Variants in SRRM3 observed in about 807,000 individuals in gnomAD.
SRRM3 encodes the protein serine/arginine repetitive matrix 3.
Under a neutral mutation model 66.2 loss-of-function variants are expected in SRRM3, and 27 were observed. The ratio of observed to expected loss-of-function variants is 0.41; its 90% CI spans 0.30 to 0.56. The LOEUF is 0.56. SRRM3 is among the 20% of genes least tolerant of loss of function. The pLI is 0.32. For missense variants in SRRM3, 918 were observed against 991.9 expected (o/e 0.93, Z 1.00); for synonymous variants, 391 against 414.9 (o/e 0.94, Z 0.70).
intron 11 of SRRM3, among the ~76,000 whole-genome samples, chr7:76,275,469 A>G (rs955451166): frequency 1.3e-5 from 2 of 150,662 alleles, no homozygotes; most frequent in Non-Finnish European, 3.0e-5. Flanking sequence ...AGCCTGGGCA[A>G]CAGAGCGAGA....
chr7:76,226,997 G>C (rs1203708629), intron 1 of SRRM3, among the ~76,000 whole-genome samples: 1 of 152,200 alleles, frequency 6.6e-6, no homozygotes, highest in Non-Finnish European at 1.5e-5. Context: ...TGCAGAGAGG[G>C]GAAGGGACTT....
chr7:76,264,780 G>A lies in SRRM3; in HGVS notation c.690G>A (p.Lys230=). 2 of 1,613,752 alleles carry A rather than the reference G, an allele frequency of 1.2e-6. No homozygotes were observed. Among genetic ancestry groups the A allele is most frequent in the Non-Finnish European group, 1.7e-6 (2 of 1,179,868 alleles). The stretch of plus-strand genomic sequence containing the variant: ...CTCTCTGCAGATCTCGAAGCTCCAA[G>A]TGCAAAAGAAAAGAGAAGAACAAAG... The part of the protein sequence containing the change: ...RKRRHRSRSS[K]CKRKEKNKEK... The change falls in exon 9 of 15, where the codon AAG becomes AAA. Residue 230 remains lysine (K), a synonymous_variant. Transcript: ENST00000611745.
At chr7:76,220,348 TC>T (rs1554603041) in intron 1 of SRRM3, among the ~76,000 whole-genome samples, 2 of 152,114 alleles carry the variant, frequency 1.3e-5, no homozygotes, top group Non-Finnish European at 2.9e-5. Context: ...GCTTGAGCAG[TC>T]TTGCAGGAAG....
intron 1 of SRRM3, among the ~76,000 whole-genome samples, chr7:76,221,721 T>G (rs1800727192): frequency 6.6e-6 from 1 of 152,160 alleles, no homozygotes; most frequent in Non-Finnish European, 1.5e-5. Flanking sequence ...TTTGTATCTG[T>G]GAAAAGTACC....
chr7:76,247,224 A>AG (rs1487791163), intron 2 of SRRM3, among the ~76,000 whole-genome samples: 41 of 151,924 alleles, frequency 2.7e-4, no homozygotes, highest in African/African-American at 9.9e-4. Context: ...GACTGGGCTT[A>AG]GGGTGGGAGA....
intron 11 of SRRM3, among the ~76,000 whole-genome samples, chr7:76,279,757 G>A (rs1437159216): frequency 6.6e-6 from 1 of 152,094 alleles, no homozygotes; most frequent in Non-Finnish European, 1.5e-5. Flanking sequence ...CCCAACCAGG[G>A]CCCTTTTGAT....
chr7:76,218,674 C>CTTTTTTTTTTTTTTTTTTTTTTTTT (rs11349335), intron 1 of SRRM3, among the ~76,000 whole-genome samples: 3 of 76,280 alleles, frequency 3.9e-5, no homozygotes, highest in Non-Finnish European at 6.8e-5. Context: ...GCTTTCTTTT[C>CTTTTTTTTTTTTTTTTTTTTTTTTT]TTTTTTTTTT....
chr7:76,208,563 G>C (rs962613898), intron 1 of SRRM3, among the ~76,000 whole-genome samples: 1 of 151,920 alleles, frequency 6.6e-6, no homozygotes, highest in Non-Finnish European at 1.5e-5. Flanking sequence ...AGCCAGGCAC[G>C]GTGGCTCACG....
At chr7:76,219,571 A>G (rs1473446395) in intron 1 of SRRM3, among the ~76,000 whole-genome samples, 1 of 152,206 alleles carries the variant, frequency 6.6e-6, no homozygotes, top group African/African-American at 2.4e-5. Context: ...CAGAGCCAAC[A>G]AAGACAGGAG....
At chr7:76,260,731 C>A in intron 5 of SRRM3, 143 bp from the exon 6 acceptor site, 1 of 761,422 alleles carries the variant, frequency 1.3e-6, no homozygotes, top group Non-Finnish European at 2.2e-6. Context: ...GTGCGAGTGG[C>A]CCTGGGGAGG....
At chr7:76,276,995 A>C (rs1554611227) in intron 11 of SRRM3, among the ~76,000 whole-genome samples, 1 of 152,142 alleles carries the variant, frequency 6.6e-6, no homozygotes, top group African/African-American at 2.4e-5. Flanking sequence ...GAGGCTCCCC[A>C]CCGTCAGGTG....
At chr7:76,233,139 CA>C (rs1282446724) in intron 1 of SRRM3, among the ~76,000 whole-genome samples, 4 of 151,382 alleles carry the variant, frequency 2.6e-5, no homozygotes, top group African/African-American at 4.9e-5. Context: ...CGTGACTCTA[CA>C]AAAAAAAATT....
chr7:76,271,008 G>A (rs919655225), intron 11 of SRRM3, among the ~76,000 whole-genome samples: 4 of 151,932 alleles, frequency 2.6e-5, no homozygotes, highest in African/African-American at 9.7e-5. Flanking sequence ...TCTCGAGACT[G>A]AGGCCAGTGA....
At chr7:76,206,054 C>T (rs1490269072) in intron 1 of SRRM3, among the ~76,000 whole-genome samples, 1 of 152,140 alleles carries the variant, frequency 6.6e-6, no homozygotes, top group Non-Finnish European at 1.5e-5. Context: ...GTTGCTCAGG[C>T]TGGAGTGCAG....
intron 1 of SRRM3, among the ~76,000 whole-genome samples, chr7:76,206,657 G>C (rs540054080): frequency 6.6e-6 from 1 of 152,332 alleles, no homozygotes; most frequent in African/African-American, 2.4e-5. Context: ...GGTTCAGGCT[G>C]CCTCACTGAC....
intron 1 of SRRM3, among the ~76,000 whole-genome samples, chr7:76,205,082 G>A (rs1554600996): frequency 6.6e-6 from 1 of 151,832 alleles, no homozygotes; most frequent in Non-Finnish European, 1.5e-5. Flanking sequence ...ACTGAGCCAA[G>A]GTGTTGGAAC....
intron 1 of SRRM3, among the ~76,000 whole-genome samples, chr7:76,203,548 A>G (rs781916021): frequency 1.3e-5 from 2 of 152,228 alleles, no homozygotes; most frequent in African/African-American, 2.4e-5. Flanking sequence ...AGAGCTGGAT[A>G]AATGTGGAAT....
In SRRM3 at chr7:76,260,035, G is replaced by A. The variant is rs1554608322; in HGVS notation, c.464+1G>A. ...GCTACCGCGGCCACCGCGGGTACAG[G>A]TCAGCGGCCGCCGCGGCGGGGGTGG... On this transcript the variant is annotated splice_donor_variant, in intron 4 of 14. Coordinates refer to ENST00000611745, the MANE Select transcript of SRRM3 (RefSeq NM_001110199.3). LOFTEE classifies it high-confidence loss of function. 5 of 1,530,920 alleles carry A rather than the reference G, an allele frequency of 3.3e-6. No individual in the cohort carries two copies. Among genetic ancestry groups the A allele is most frequent in the South Asian group, 1.2e-5 (1 of 82,876 alleles). 94.8% of individuals were successfully genotyped at this position (1,530,920 alleles called of 1,614,324 possible).
At chr7:76,229,789 G>A (rs1800968027) in intron 1 of SRRM3, among the ~76,000 whole-genome samples, 1 of 149,618 alleles carries the variant, frequency 6.7e-6, no homozygotes, top group South Asian at 2.1e-4. Flanking sequence ...AATTGCCCAG[G>A]CTGGAGTGCA....
Sources: allele counts gnomAD v4.1 joint callset (sites outside exome capture counted in the v4.1 genomes callset), GRCh38; gene constraint gnomAD v4.1.1; transcripts MANE v1.5; gene names NCBI Gene and HGNC (gene_info 2026-07-23, HGNC 2026-07-21).